The following MCM4 variants were observed in gnomAD, a reference collection of about 807,000 sequenced individuals.
MCM4 encodes the protein DNA replication licensing factor MCM4.
A neutral mutation model predicts 88.7 loss-of-function variants in MCM4; 60 were observed. The observed-to-expected ratio is 0.68, with a 90% CI of 0.55 to 0.84. The LOEUF (loss-of-function observed/expected upper bound fraction) is 0.84. Ranked by LOEUF, MCM4 falls within the 40% of genes least tolerant of loss-of-function variation. The pLI is 0.00. For synonymous variants in MCM4, 465 were observed against 410.5 expected (o/e 1.13, Z -1.61); for missense variants, 1,149 against 1,105.5 (o/e 1.04, Z -0.56).
Position 47,977,291 on chromosome 8 carries a change from C to G in MCM4, c.*513C>G, listed in dbSNP as rs2091009963. The G allele has an allele frequency of 6.7e-6, 1 of 148,364 alleles. No individual in the cohort carries two copies. The highest frequency in any genetic ancestry group is 1.5e-5 in the Non-Finnish European group (1 of 68,148). The allele number at this position is 148,364 out of a possible 1,614,324, so 9.2% of individuals were successfully genotyped here. On this transcript the variant is annotated 3_prime_UTR_variant, in exon 17 of 17. Transcript: ENST00000649973. ...AAAAAAAAAAAAAAAAAAAACCTGCCAATTTTCAAACATACCGTAGAGATT... is the reference window on the plus strand; with the variant it reads ...AAAAAAAAAAAAAAAAAAAACCTGCGAATTTTCAAACATACCGTAGAGATT...
rs1219519574 is a variant in MCM4, at chr8:47,969,854, G to A, written c.1231G>A (p.Val411Ile). 2.5e-6 allele frequency: 4 copies of A among 1,614,110 alleles called. No homozygotes were observed. The highest frequency in any genetic ancestry group is 3.4e-6 in the Non-Finnish European group (4 of 1,180,050). ...TCCAAGAGTGAGTAATGTGAAGTCT[G>A]TCTACAAAACCCACATTGATGTCAT... is the stretch of plus-strand genomic sequence containing the variant. ...VNPRVSNVKS[V>I]YKTHIDVIHY... The change falls in exon 11 of 17, where the codon GTC becomes ATC. Residue 411 changes from valine (V) to isoleucine (I), a missense_variant. Transcript: ENST00000649973.
At chr8:47,964,847 A>G (rs548393506) in intron 8 of MCM4, 135 bp downstream of exon 8, 10 of 686,756 alleles carry the variant, frequency 1.5e-5, no homozygotes, top group African/African-American at 1.3e-4. Flanking sequence ...ATTGACAATA[A>G]TATAGATTCA....
Position 47,962,300 on chromosome 8 carries a change from T to A in MCM4, c.400-5T>A. 6.2e-7 allele frequency: 1 copy of A among 1,614,154 alleles called. No individual in the cohort carries two copies. ...TTCATGATTCTGTCATGTTTTTCTGTGTAGGCAGCAGCAGAAGATATAGTG... is the reference window on the plus strand; with the variant it reads ...TTCATGATTCTGTCATGTTTTTCTGAGTAGGCAGCAGCAGAAGATATAGTG... On this transcript the variant is annotated splice_polypyrimidine_tract_variant and splice_region_variant and intron_variant, in intron 4 of 16. Coordinates refer to ENST00000649973, the MANE Select transcript of MCM4 (RefSeq NM_182746.3).
Position 47,970,777 on chromosome 8 carries a change from C to CA in MCM4, c.1703dup (p.Asn568LysfsTer8). ...AGACAGGTGCTCTTGTCCTGAGTGACAACGGCATCTGCTGTATCGATGAGT... is the reference window on the plus strand; with the variant it reads ...AGACAGGTGCTCTTGTCCTGAGTGACAAACGGCATCTGCTGTATCGATGAGT... On this transcript the variant is annotated frameshift_variant, in exon 12 of 17. Coordinates refer to ENST00000649973, the MANE Select transcript of MCM4 (RefSeq NM_182746.3). LOFTEE classifies it high-confidence loss of function. 1 of 1,614,158 alleles carries CA rather than the reference C, an allele frequency of 6.2e-7. No homozygotes were observed.
chr8:47,972,344 C>G (rs1014691417), intron 13 of MCM4, among the ~76,000 whole-genome samples: 2 of 151,858 alleles, frequency 1.3e-5, no homozygotes, highest in African/African-American at 4.8e-5. Context: ...TTCCCTGGGC[C>G]GACCTAAGGA....
chr8:47,967,276 T>A (rs1212151153), intron 9 of MCM4, 89 bp from the exon 10 acceptor site: 34 of 1,460,876 alleles, frequency 2.3e-5, no homozygotes, highest in Non-Finnish European at 3.1e-5. Flanking sequence ...ACTGCAGCCT[T>A]ATATGGCAAA....
chr8:47,962,787 C>G lies in MCM4; in HGVS notation c.525C>G (p.Asp175Glu), dbSNP rs201944679. 1 of 1,608,464 alleles carries G rather than the reference C, an allele frequency of 6.2e-7. No individual in the cohort carries two copies. The highest frequency in any genetic ancestry group is 8.5e-7 in the Non-Finnish European group (1 of 1,178,176). Residue 175 changes from aspartate (D) to glutamate (E), a missense_variant, in exon 6 of 17, where the codon GAC becomes GAG. Asp to Glu is a conservative substitution (Grantham distance 45). Transcript: ENST00000649973. ...NFQRFLQRFI[D>E]PLAKEEENVG... Reference sequence around the variant, plus strand: ...AGAGATTTCTTCAGCGTTTTATTGACCCTCTGGCTAAAGAAGAAGAAAATG... The same window carrying G: ...AGAGATTTCTTCAGCGTTTTATTGAGCCTCTGGCTAAAGAAGAAGAAAATG...
chr8:47,966,199 T>C lies in MCM4; in HGVS notation c.845T>C (p.Leu282Pro). Residue 282 changes from leucine (L) to proline (P), a missense_variant, in exon 9 of 17, where the codon CTC becomes CCC. By Grantham distance (98) the Leu-to-Pro change is moderately conservative (BLOSUM62 -3). Around this residue, in one of 3 missense-constraint regions of MCM4, gnomAD observed 906 missense variants for 843.0 expected, o/e 1.07. Transcript: ENST00000649973. ...TCTCCCCTCACAGACATTGACCAGCTCATCACCATCAGCGGCATGGTGATC... is the reference window on the plus strand; with the variant it reads ...TCTCCCCTCACAGACATTGACCAGCCCATCACCATCAGCGGCATGGTGATC... ...RNLNPEDIDQ[L>P]ITISGMVIRT... The C allele has an allele frequency of 3.7e-6, 6 of 1,613,940 alleles. No individual in the cohort carries two copies. The highest frequency in any genetic ancestry group is 5.1e-6 in the Non-Finnish European group (6 of 1,179,974).
At chr8:47,971,543 C>T in intron 13 of MCM4, 75 bp downstream of exon 13, 3 of 1,474,642 alleles carry the variant, frequency 2.0e-6, no homozygotes, top group Non-Finnish European at 2.8e-6. Context: ...ACTAAGATTT[C>T]AGCAACTGCT....
At position 47,978,099 on chromosome 8, in the gene MCM4, A is replaced by G. The variant is rs1325422254; in HGVS notation, c.*1321A>G. On this transcript the variant is annotated 3_prime_UTR_variant, in exon 17 of 17. Coordinates refer to ENST00000649973, the MANE Select transcript of MCM4 (RefSeq NM_182746.3). ...TCCTAACAGTCATCTTTATAAAATG[A>G]CCATAGGCTAAAATCTTACGTGTAA... 1 of 152,214 alleles carries G rather than the reference A, an allele frequency of 6.6e-6. No individual in the cohort carries two copies. Among genetic ancestry groups the G allele is most frequent in the East Asian group, 1.9e-4 (1 of 5,206 alleles). 9.4% of individuals were successfully genotyped at this position (152,214 alleles called of 1,614,324 possible). A position where few individuals can be genotyped will look rare whatever the true frequency, so the allele number is the denominator to read the frequency against.
chr8:47,963,091 A>T, intron 7 of MCM4, 51 bp downstream of exon 7: 2 of 1,037,804 alleles, frequency 1.9e-6, no homozygotes, highest in Non-Finnish European at 2.9e-6. Flanking sequence ...TCTAGAAAGA[A>T]TGTTTCCAGA....
In MCM4 at chr8:47,976,975, T is replaced by C. The variant is rs17334542; in HGVS notation, c.*197T>C. Reference sequence around the variant, plus strand: ...ATTTTTTTCACGTTATAAATAAAAATACTATGCTGGCCGGGCGCGGTGGCT... The same window carrying C: ...ATTTTTTTCACGTTATAAATAAAAACACTATGCTGGCCGGGCGCGGTGGCT... On this transcript the variant is annotated 3_prime_UTR_variant, in exon 17 of 17. Coordinates refer to ENST00000649973, the MANE Select transcript of MCM4 (RefSeq NM_182746.3). 7,319 of 454,704 alleles carry C rather than the reference T, an allele frequency of 0.016. 135 individuals are homozygous for C. The highest frequency in any genetic ancestry group is 0.018 in the Non-Finnish European group (4,407 of 247,184). The allele number at this position is 454,704 out of a possible 1,614,324, so 28.2% of individuals were successfully genotyped here.
At chr8:47,961,067 C>T in intron 1 of MCM4, 53 bp downstream of exon 1, 1 of 1,430,930 alleles carries the variant, frequency 7.0e-7, no homozygotes. Context: ...GGAACGTCCG[C>T]GCTGCGGAGC....
intron 10 of MCM4, 67 bp from the exon 11 acceptor site, chr8:47,969,731 C>CTGG: frequency 6.4e-7 from 1 of 1,559,538 alleles, no homozygotes; most frequent in Non-Finnish European, 8.8e-7. Context: ...GTTGCCTACG[C>CTGG]TGGTTGCTGA....
At chr8:47,970,400 G>A (rs1194167039) in intron 11 of MCM4, 111 bp from the exon 12 acceptor site, 7 of 1,374,132 alleles carry the variant, frequency 5.1e-6, no homozygotes, top group Middle Eastern at 2.4e-4. Context: ...ACCTTCCTGT[G>A]ATTTCTTAAT....
At chr8:47,976,245 A>G (rs2090999330) in intron 16 of MCM4, among the ~76,000 whole-genome samples, 1 of 151,366 alleles carries the variant, frequency 6.6e-6, no homozygotes, top group Admixed American at 6.6e-5. Context: ...GTAAGCTGAG[A>G]TCCCACCATT....
chr8:47,975,698 AT>A lies in MCM4; in HGVS notation c.2366-14del. The stretch of plus-strand genomic sequence containing the variant: ...CATAATAGCAAAAATGTTTTCATTG[AT>A]TTCTTTTTAAATCAGGGATGAGTGC... On this transcript the variant is annotated splice_polypyrimidine_tract_variant and intron_variant, in intron 15 of 16. Coordinates refer to ENST00000649973, the MANE Select transcript of MCM4 (RefSeq NM_182746.3). 8 of 1,507,868 alleles carry A rather than the reference AT, an allele frequency of 5.3e-6. No homozygotes were observed. In the South Asian group the frequency reaches 8.2e-5, roughly 15 times the overall value. The allele number at this position is 1,507,868 out of a possible 1,614,324, so 93.4% of individuals were successfully genotyped here.
rs529806989 is a variant in MCM4, at chr8:47,977,095, C to G, written c.*317C>G. On this transcript the variant is annotated 3_prime_UTR_variant, in exon 17 of 17. Coordinates refer to ENST00000649973, the MANE Select transcript of MCM4 (RefSeq NM_182746.3). ...CCTAGCCAAGATGGTGAAACCCCGT[C>G]TCTAGTAAAGATAACAAAAAATTAG... is the stretch of plus-strand genomic sequence containing the variant. The G allele has an allele frequency of 5.7e-6, 1 of 176,288 alleles. No individual in the cohort carries two copies. Among genetic ancestry groups the G allele is most frequent in the African/African-American group, 2.4e-5 (1 of 42,266 alleles). 10.9% of individuals were successfully genotyped at this position (176,288 alleles called of 1,614,324 possible). A position where few individuals can be genotyped will look rare whatever the true frequency, so the allele number is the denominator to read the frequency against.
Position 47,976,798 on chromosome 8 carries a change from G to C in MCM4, c.*20G>C. On this transcript the variant is annotated 3_prime_UTR_variant, in exon 17 of 17. Transcript: ENST00000649973. Reference sequence around the variant, plus strand: ...CTCTGAAGCCTTGTGAGCAAGGAAGGCTCCCTGCATGTCCTGCTTGCTGCA... The same window carrying C: ...CTCTGAAGCCTTGTGAGCAAGGAAGCCTCCCTGCATGTCCTGCTTGCTGCA... 1 of 1,515,990 alleles carries C rather than the reference G, an allele frequency of 6.6e-7. No individual in the cohort carries two copies. Among genetic ancestry groups the C allele is most frequent in the Non-Finnish European group, 9.2e-7 (1 of 1,091,134 alleles). The allele number at this position is 1,515,990 out of a possible 1,614,324, so 93.9% of individuals were successfully genotyped here.
Sources: allele counts gnomAD v4.1 joint callset (sites outside exome capture counted in the v4.1 genomes callset), GRCh38; gene constraint gnomAD v4.1.1; regional missense constraint gnomAD v4.1.1; transcripts MANE v1.5; gene names NCBI Gene and HGNC (gene_info 2026-07-23, HGNC 2026-07-21).